The following COBLL1 variants were observed in gnomAD, a reference collection of about 807,000 sequenced individuals.
COBLL1 encodes the protein cordon-bleu WH2 repeat protein like 1, also known as cordon-bleu protein-like 1.
A neutral mutation model predicts 94.8 loss-of-function variants in COBLL1; 50 were observed. That is an observed-to-expected ratio of 0.53 (90% confidence interval 0.42 to 0.67). The LOEUF is 0.67. COBLL1 is among the 30% of genes least tolerant of loss of function. COBLL1 has a pLI of 0.00. For synonymous variants in COBLL1, 448 were observed against 473.8 expected, an observed-to-expected ratio of 0.95 and a Z score of 0.71; for missense variants, 1,362 against 1,348.7, an observed-to-expected ratio of 1.01 and a Z score of -0.15.
intron 2 of COBLL1, among the ~76,000 whole-genome samples, chr2:164,823,780 C>G (rs549028510): frequency 6.6e-6 from 1 of 152,244 alleles, no homozygotes; most frequent in South Asian, 2.1e-4. Flanking sequence ...TTTACTGTTT[C>G]TAGCTGTGTA....
At chr2:164,784,866 T>C (rs1479729067) in intron 2 of COBLL1, among the ~76,000 whole-genome samples, 1 of 152,162 alleles carries the variant, frequency 6.6e-6, no homozygotes, top group Non-Finnish European at 1.5e-5. Flanking sequence ...GAAGGTGCTA[T>C]GGTTTGACTG....
At chr2:164,776,225 C>G (rs1688455364) in intron 2 of COBLL1, among the ~76,000 whole-genome samples, 1 of 152,082 alleles carries the variant, frequency 6.6e-6, no homozygotes, top group Non-Finnish European at 1.5e-5. Context: ...AATTCATTCT[C>G]TGTTTTAAAT....
At chr2:164,745,412 C>T (rs991304877) in intron 2 of COBLL1, among the ~76,000 whole-genome samples, 1 of 152,110 alleles carries the variant, frequency 6.6e-6, no homozygotes, top group Admixed American at 6.6e-5. Flanking sequence ...AAGAAGAATG[C>T]CCCCCAATTT....
At chr2:164,783,172 T>C (rs1447898643) in intron 2 of COBLL1, among the ~76,000 whole-genome samples, 1 of 151,930 alleles carries the variant, frequency 6.6e-6, no homozygotes, top group Non-Finnish European at 1.5e-5. Context: ...GAAGCTGAGG[T>C]GAGAGAATCA....
chr2:164,708,280 C>T (rs1684707828), intron 7 of COBLL1, among the ~76,000 whole-genome samples: 3 of 152,076 alleles, frequency 2.0e-5, no homozygotes, highest in African/African-American at 7.2e-5. Context: ...TTAAAGCCTG[C>T]CACCCAAACT....
At chr2:164,818,627 G>A (rs9678402) in intron 2 of COBLL1, among the ~76,000 whole-genome samples, 29,671 of 140,340 alleles carry the variant, frequency 0.21, 3,385 homozygotes, top group African/African-American at 0.29. Context: ...ACACATATAT[G>A]GCGTATATGT....
rs748344045 is a variant in COBLL1 at position 164,700,666 on chromosome 2, G to A, written c.1316C>T (p.Pro439Leu). ...TACAAAAGGAATATCTTGTGACTTC[G>A]GAGAAATATTTTCAGCTTCAACTTT... ...VPKVEAENIS[P>L]KSQDIPFVST... Residue 439 changes from proline (P) to leucine (L), a missense_variant, in exon 10 of 14, where the codon CCG becomes CTG. Pro to Leu is a moderately conservative substitution (Grantham distance 98, BLOSUM62 -3). Coordinates refer to ENST00000652658, the MANE Select transcript of COBLL1 (RefSeq NM_001365672.2). The A allele has an allele frequency of 4.7e-5, 76 of 1,612,942 alleles. No homozygotes were observed. The highest frequency in any genetic ancestry group is 2.0e-4 in the East Asian group (9 of 44,838).
intron 2 of COBLL1, among the ~76,000 whole-genome samples, chr2:164,789,030 C>G (rs1574591118): frequency 2.3e-5 from 1 of 44,062 alleles, no homozygotes; most frequent in Non-Finnish European, 4.3e-5. Context: ...AACACACACA[C>G]ACACACACAC....
At position 164,681,357 on chromosome 2, in the gene COBLL1, T is replaced by C. The variant is rs1683033117; in HGVS notation, c.*4589A>G. ...TTCAGCTGTTTCAGAGATGTCTTTCTCACAGCAACATTTCAAATACAGTGA... is the reference window on the plus strand; with the variant it reads ...TTCAGCTGTTTCAGAGATGTCTTTCCCACAGCAACATTTCAAATACAGTGA... On this transcript the variant is annotated 3_prime_UTR_variant, in exon 14 of 14. Transcript: ENST00000652658. 2 of 152,142 alleles carry C rather than the reference T, an allele frequency of 1.3e-5. No homozygotes were observed. The highest frequency in any genetic ancestry group is 2.9e-5 in the Non-Finnish European group (2 of 68,048). The allele number at this position is 152,142 out of a possible 1,614,324, so 9.4% of individuals were successfully genotyped here. A position where few individuals can be genotyped will look rare whatever the true frequency, so the allele number is the denominator to read the frequency against.
chr2:164,730,830 C>T (rs1685971153), intron 3 of COBLL1, among the ~76,000 whole-genome samples: 1 of 152,314 alleles, frequency 6.6e-6, no homozygotes, highest in South Asian at 2.1e-4. Flanking sequence ...ACCACCACCA[C>T]TTTTTGGCTT....
At chr2:164,731,811 T>A (rs868530164) in intron 3 of COBLL1, among the ~76,000 whole-genome samples, 18 of 152,268 alleles carry the variant, frequency 1.2e-4, no homozygotes, top group Non-Finnish European at 5.9e-5. Context: ...ATCCCACCAT[T>A]CAGTATGCTA....
rs1171931188 is a variant in COBLL1 at position 164,841,408 on chromosome 2, C to T, written c.-50-162G>A. The T allele has an allele frequency of 6.9e-6, 8 of 1,164,874 alleles. No homozygotes were observed. The highest frequency in any genetic ancestry group is 1.6e-5 in the African/African-American group (1 of 61,906). 72.2% of individuals were successfully genotyped at this position (1,164,874 alleles called of 1,614,324 possible). ...CGGGCCCCGGCTCCCAGCCCGCGGG[C>T]GCCGCCGCCGTCTCTACAAGGTCTA... On this transcript the variant is annotated intron_variant, in intron 1 of 13. Coordinates refer to ENST00000652658, the MANE Select transcript of COBLL1 (RefSeq NM_001365672.2). The surrounding 1 kb of genome is among the most constrained non-coding windows in gnomAD (Gnocchi z 5.5).
chr2:164,828,599 T>C (rs1685548805), intron 2 of COBLL1, among the ~76,000 whole-genome samples: 1 of 152,164 alleles, frequency 6.6e-6, no homozygotes, highest in Non-Finnish European at 1.5e-5. Flanking sequence ...AGAAATTATA[T>C]ACGTACACCC....
chr2:164,689,071 T>A (rs950374642), intron 13 of COBLL1, among the ~76,000 whole-genome samples: 1 of 152,144 alleles, frequency 6.6e-6, no homozygotes, highest in Non-Finnish European at 1.5e-5. Flanking sequence ...TGAGCTTGAT[T>A]TATTAATGCT....
chr2:164,710,937 T>C (rs1356028269), intron 7 of COBLL1, among the ~76,000 whole-genome samples: 1 of 152,214 alleles, frequency 6.6e-6, no homozygotes, highest in Non-Finnish European at 1.5e-5. Context: ...CCAATAGTTC[T>C]GCTCTTGCAT....
At chr2:164,780,056 C>A (rs1346994683) in intron 2 of COBLL1, among the ~76,000 whole-genome samples, 1 of 152,130 alleles carries the variant, frequency 6.6e-6, no homozygotes, top group Admixed American at 6.6e-5. Context: ...ACAATTCAAG[C>A]AAAGTGTTAA....
intron 2 of COBLL1, among the ~76,000 whole-genome samples, chr2:164,776,146 C>T (rs1048501818): frequency 1.3e-5 from 2 of 151,956 alleles, no homozygotes; most frequent in Non-Finnish European, 1.5e-5. Flanking sequence ...CTCCCTGCCT[C>T]TGCTCTCAGG....
intron 13 of COBLL1, chr2:164,687,375 G>A (rs1041486300): frequency 3.9e-6 from 3 of 766,592 alleles, no homozygotes; most frequent in Non-Finnish European, 6.9e-6. Context: ...CAGCCACCAT[G>A]TCTTCAAATT....
In COBLL1 at chr2:164,695,502, A is replaced by G. The variant is rs1490436460; in HGVS notation, c.1890T>C (p.Cys630=). The G allele has an allele frequency of 1.2e-6, 2 of 1,613,936 alleles. No individual in the cohort carries two copies. Among genetic ancestry groups the G allele is most frequent in the South Asian group, 1.1e-5 (1 of 91,068 alleles). ...HNLSDSKVEE[C]VQTSNNNIST... is the part of the protein sequence containing the mutation. ...ATATGTTGTTATTTGAAGTTTGCAC[A>G]CATTCTTCAACTTTGGAGTCAGATA... Residue 630 remains cysteine (C), a synonymous_variant, in exon 12 of 14, where the codon TGT becomes TGC. Transcript: ENST00000652658.
Sources: allele counts gnomAD v4.1 joint callset (sites outside exome capture counted in the v4.1 genomes callset), GRCh38; gene constraint gnomAD v4.1.1; non-coding constraint Gnocchi (gnomAD v3.1); transcripts MANE v1.5; gene names NCBI Gene and HGNC (gene_info 2026-07-23, HGNC 2026-07-21).